The following ADAMTS3 variants were observed in gnomAD, a reference collection of about 807,000 sequenced individuals.
ADAMTS3 encodes A disintegrin and metalloproteinase with thrombospondin motifs 3.
A neutral mutation model predicts 129.0 loss-of-function variants in ADAMTS3; 73 were observed. The observed-to-expected ratio is 0.57, with a 90% CI of 0.47 to 0.69. The LOEUF (loss-of-function observed/expected upper bound fraction) is 0.69, where lower values mean the gene tolerates loss of function less well. Among genes scored for constraint, ADAMTS3 ranks in the 30% least tolerant of loss-of-function variants. ADAMTS3 has a pLI of 0.00. For synonymous variants in ADAMTS3, 477 were observed against 510.8 expected (o/e 0.93, Z 0.89); for missense variants, 1,457 against 1,514.5 (o/e 0.96, Z 0.63).
intron 4 of ADAMTS3, among the ~76,000 whole-genome samples, chr4:72,401,450 C>A: frequency 6.7e-6 from 1 of 150,024 alleles, no homozygotes. Context: ...TCCTGTAATC[C>A]CAGCTACTTG....
chr4:72,550,008 A>G (rs1228422257), intron 2 of ADAMTS3, among the ~76,000 whole-genome samples: 3 of 2,190 alleles, frequency 1.4e-3, no homozygotes, highest in African/African-American at 5.5e-3. Flanking sequence ...GAGGAAGAAG[A>G]AGAAGAAGAA....
rs542754141 is a variant in ADAMTS3, at chr4:72,432,861, A to T, written c.505-17890T>A. Among the ~76,000 whole-genome samples the T allele has an allele frequency of 2.0e-5, 3 of 152,072 alleles. No homozygotes were observed. The South Asian group carries it at 6.2e-4, about 31-fold the overall frequency. On this transcript the variant is annotated intron_variant, in intron 3 of 21. Coordinates refer to ENST00000286657, the MANE Select transcript of ADAMTS3 (RefSeq NM_014243.3). The stretch of plus-strand genomic sequence containing the variant: ...TGCCAAGCTTTTAACATTATTCAGA[A>T]TACTTATTTATGATATTTATATTTT...
intron 3 of ADAMTS3, among the ~76,000 whole-genome samples, chr4:72,539,285 T>G (rs1721258393): frequency 6.6e-6 from 1 of 151,684 alleles, no homozygotes; most frequent in Non-Finnish European, 1.5e-5. Context: ...ATATCCAGAA[T>G]ATATAAACTC....
In ADAMTS3 at chr4:72,332,985, A is replaced by G. The variant is rs1050136518; in HGVS notation, c.861+6509T>C. On this transcript the variant is annotated intron_variant, in intron 5 of 21. Coordinates refer to ENST00000286657, the MANE Select transcript of ADAMTS3 (RefSeq NM_014243.3). Reference sequence around the variant, plus strand: ...GGGGAGGAAGAGCTTAAGGCTCAGAAGGCAGATATAGATCTGGGCTCAGGT... The same window carrying G: ...GGGGAGGAAGAGCTTAAGGCTCAGAGGGCAGATATAGATCTGGGCTCAGGT... Among the ~76,000 whole-genome samples the G allele has an allele frequency of 2.6e-5, 4 of 152,166 alleles. No homozygotes were observed. In the East Asian group the frequency reaches 5.8e-4, roughly 22 times the overall value.
At chr4:72,517,860 A>G (rs1385243960) in intron 3 of ADAMTS3, among the ~76,000 whole-genome samples, 26 of 150,544 alleles carry the variant, frequency 1.7e-4, no homozygotes, top group African/African-American at 6.4e-4. Context: ...GATCTTAGTT[A>G]TTTCTTGCCT....
At position 72,485,415 on chromosome 4, in the gene ADAMTS3, G is replaced by C. The variant is rs115560487; in HGVS notation, c.504+63063C>G. On this transcript the variant is annotated intron_variant, in intron 3 of 21. Transcript: ENST00000286657. ...TTTAAAATTTTGATCAGATCATAGA[G>C]AATAGATAAACATGTCTATTCTAAT... Among the ~76,000 whole-genome samples the C allele has an allele frequency of 4.9e-3, 742 of 152,162 alleles. 2 individuals are homozygous for C. Among genetic ancestry groups the C allele is most frequent in the African/African-American group, 0.017 (710 of 41,534 alleles).
At chr4:72,526,278 T>G (rs1720804162) in intron 3 of ADAMTS3, among the ~76,000 whole-genome samples, 1 of 152,174 alleles carries the variant, frequency 6.6e-6, no homozygotes, top group South Asian at 2.1e-4. Flanking sequence ...GGAGATGAGC[T>G]GCTTTAGCAG....
intron 3 of ADAMTS3, among the ~76,000 whole-genome samples, chr4:72,500,376 T>TA (rs1191742949): frequency 2.0e-5 from 3 of 152,170 alleles, no homozygotes; most frequent in Non-Finnish European, 4.4e-5. Flanking sequence ...TGATTAGTGA[T>TA]ATTGAGCATT....
chr4:72,368,252 C>T (rs1720920975), intron 4 of ADAMTS3, among the ~76,000 whole-genome samples: 1 of 152,068 alleles, frequency 6.6e-6, no homozygotes, highest in African/African-American at 2.4e-5. Flanking sequence ...ACTCCCGAAG[C>T]CATTAGTTTT....
chr4:72,557,456 T>C (rs780304789), intron 2 of ADAMTS3, among the ~76,000 whole-genome samples: 2 of 151,864 alleles, frequency 1.3e-5, no homozygotes, highest in African/African-American at 4.9e-5. Context: ...TCAAATCCTC[T>C]AGGCTCTTAT....
intron 3 of ADAMTS3, among the ~76,000 whole-genome samples, chr4:72,531,474 G>A (rs975947107): frequency 6.6e-6 from 1 of 152,160 alleles, no homozygotes; most frequent in African/African-American, 2.4e-5. Context: ...CTGGGTATTT[G>A]AAGCCACAGA....
intron 4 of ADAMTS3, among the ~76,000 whole-genome samples, chr4:72,370,200 C>T (rs1267772434): frequency 2.0e-5 from 3 of 152,232 alleles, no homozygotes; most frequent in Non-Finnish European, 4.4e-5. Context: ...CCAGCCTGCG[C>T]CGAAGATTTA....
Position 72,283,199 on chromosome 4 carries a change from T to A in ADAMTS3, c.3555A>T (p.Ser1185=), listed in dbSNP as rs746641366. The A allele has an allele frequency of 1.2e-6, 2 of 1,613,912 alleles. No individual in the cohort carries two copies. The highest frequency in any genetic ancestry group is 2.7e-5 in the African/African-American group (2 of 75,040). The change falls in exon 22 of 22, where the codon TCA becomes TCT. Residue 1185 remains serine, a synonymous_variant. Transcript: ENST00000286657. ...TGTCAATGATCTTTCCATCTTTCTT[T>A]GAGGTTCTTGCCTGAGAAGAAGCAC... The part of the protein sequence containing the change: ...SIGASSQART[S]KKDGKIIDNR...
At chr4:72,534,649 C>T (rs563021625) in intron 3 of ADAMTS3, among the ~76,000 whole-genome samples, 22 of 152,128 alleles carry the variant, frequency 1.4e-4, no homozygotes, top group Non-Finnish European at 3.1e-4. Flanking sequence ...GGTTTACAAA[C>T]CATTTTAAAT....
intron 3 of ADAMTS3, among the ~76,000 whole-genome samples, chr4:72,532,465 T>C (rs2109765762): frequency 6.6e-6 from 1 of 151,050 alleles, no homozygotes; most frequent in Non-Finnish European, 1.5e-5. Context: ...AAGGGACAGT[T>C]CCTTCTGCTC....
chr4:72,398,258 G>A lies in ADAMTS3; in HGVS notation c.661+16557C>T, dbSNP rs537772163. ...TTTAGAGAAATGTGGTAACAATGTT[G>A]ATAAAATAAAAGTATCTGCCAGGCG... On this transcript the variant is annotated intron_variant, in intron 4 of 21. Transcript: ENST00000286657. Among the ~76,000 whole-genome samples, 4 of 152,074 alleles carry A rather than the reference G, an allele frequency of 2.6e-5. No homozygotes were observed. In the South Asian group the frequency reaches 6.2e-4, roughly 24 times the overall value.
chr4:72,288,644 A>G lies in ADAMTS3; in HGVS notation c.3049+107T>C. 9.4e-6 allele frequency: 7 copies of G among 741,856 alleles called. No individual in the cohort carries two copies. The Middle Eastern group carries it at 7.7e-4, about 81-fold the overall frequency. 46.0% of individuals were successfully genotyped at this position (741,856 alleles called of 1,614,324 possible). A position where few individuals can be genotyped will look rare whatever the true frequency, so the allele number is the denominator to read the frequency against. On this transcript the variant is annotated intron_variant, in intron 21 of 21. Transcript: ENST00000286657. ...ATTTCACAGGTGTTTTCCTTTGGTTATTTATCAGTAAACAAATATAAATTC... is the reference window on the plus strand; with the variant it reads ...ATTTCACAGGTGTTTTCCTTTGGTTGTTTATCAGTAAACAAATATAAATTC...
At chr4:72,480,246 G>A (rs868210984) in intron 3 of ADAMTS3, among the ~76,000 whole-genome samples, 30 of 152,176 alleles carry the variant, frequency 2.0e-4, no homozygotes, top group South Asian at 6.2e-4. Context: ...ACATGCACAC[G>A]TATGTTTATT....
intron 17 of ADAMTS3, among the ~76,000 whole-genome samples, chr4:72,298,894 C>T (rs1001976481): frequency 1.7e-4 from 25 of 150,678 alleles, no homozygotes; most frequent in Admixed American, 1.1e-3. Context: ...TTGTCTTCAA[C>T]GGAAATTGTT....
Sources: allele counts gnomAD v4.1 joint callset (sites outside exome capture counted in the v4.1 genomes callset), GRCh38; gene constraint gnomAD v4.1.1; transcripts MANE v1.5; gene names NCBI Gene and HGNC (gene_info 2026-07-23, HGNC 2026-07-21).